The following CCDC180 variants were observed in gnomAD, a reference collection of about 807,000 sequenced individuals.
CCDC180 encodes the protein coiled-coil domain-containing protein 180.
CCDC180 carries 154 observed loss-of-function variants against 209.2 expected under a neutral mutation model. The observed-to-expected ratio is 0.74, with a 90% CI of 0.65 to 0.84. The LOEUF (loss-of-function observed/expected upper bound fraction) is 0.84, where lower values mean the gene tolerates loss of function less well. Ranked by LOEUF, CCDC180 falls within the 40% of genes least tolerant of loss-of-function variation. The pLI is 0.00. For synonymous variants in CCDC180, 778 were observed against 749.1 expected (o/e 1.04, Z -0.63); for missense variants, 1,874 against 1,997.3 (o/e 0.94, Z 1.18).
rs1214574979 is a variant in CCDC180, at chr9:97,369,978, G to C, written c.4246G>C (p.Val1416Leu). The change falls in exon 32 of 37, where the codon GTG becomes CTG. Residue 1416 changes from valine (V) to leucine (L), a missense_variant. Coordinates refer to ENST00000529487, the MANE Select transcript of CCDC180 (RefSeq NM_020893.6). Reference sequence around the variant, plus strand: ...GCTGCTGCCCCAAGTGTGTTGGCTGGTGATGGAGAATTTCAAGGAACACCA... The same window carrying C: ...GCTGCTGCCCCAAGTGTGTTGGCTGCTGATGGAGAATTTCAAGGAACACCA... ...EELLPQVCWL[V>L]MENFKEHHWK... The C allele has an allele frequency of 1.9e-6, 3 of 1,614,220 alleles. No homozygotes were observed. The highest frequency in any genetic ancestry group is 2.7e-5 in the African/African-American group (2 of 75,052).
At position 97,375,563 on chromosome 9, in the gene CCDC180, G is replaced by A. The variant is rs1400916026; in HGVS notation, c.4816G>A (p.Val1606Met). 10 of 1,614,124 alleles carry A rather than the reference G, an allele frequency of 6.2e-6. No homozygotes were observed. The highest frequency in any genetic ancestry group is 1.3e-5 in the African/African-American group (1 of 74,950). The change falls in exon 36 of 37, where the codon GTG becomes ATG. Residue 1606 changes from valine (V) to methionine (M), a missense_variant. Transcript: ENST00000529487. ...AACCACCCTGGGCCACCTGGCGGCC[G>A]TGGAAGCCCGAGATGCTGTGTACCT... ...TKTTLGHLAA[V>M]EARDAVYLKY...
intron 34 of CCDC180, chr9:97,372,441 C>T (rs537160021): frequency 3.7e-4 from 57 of 152,254 alleles, no homozygotes; most frequent in African/African-American, 1.3e-3. Context: ...TGGCCTAGCA[C>T]GTCTAATTCT....
At position 97,358,112 on chromosome 9, in the gene CCDC180, A is replaced by C. The variant is rs907367043; in HGVS notation, c.3363+387A>C. 762 of 137,494 alleles carry C rather than the reference A, an allele frequency of 5.5e-3. 2 individuals carry two copies. Among genetic ancestry groups the C allele is most frequent in the Non-Finnish European group, 8.1e-3 (534 of 65,814 alleles). 8.5% of individuals were successfully genotyped at this position (137,494 alleles called of 1,614,324 possible). ...ACAACCACTTTTTGTTTGACTTTCCACTTGCTTTTTTTTTTTTTTTTTTTT... is the reference window on the plus strand; with the variant it reads ...ACAACCACTTTTTGTTTGACTTTCCCCTTGCTTTTTTTTTTTTTTTTTTTT... On this transcript the variant is annotated intron_variant, in intron 25 of 36. Transcript: ENST00000529487.
At chr9:97,347,637 G>T in intron 20 of CCDC180, 148 bp downstream of exon 20, 1 of 717,300 alleles carries the variant, frequency 1.4e-6, no homozygotes, top group Non-Finnish European at 2.2e-6. Context: ...TGTACATGAG[G>T]GTTCGCACCT....
At chr9:97,326,454 C>G (rs1833536450) in intron 14 of CCDC180, 100 bp from the exon 15 acceptor site, 1 of 731,092 alleles carries the variant, frequency 1.4e-6, no homozygotes, top group Non-Finnish European at 2.5e-6. Context: ...GCTGAGGCAC[C>G]TGGGCCTCAG....
intron 18 of CCDC180, among the ~76,000 whole-genome samples, chr9:97,337,006 T>C (rs539709996): frequency 2.0e-5 from 3 of 152,358 alleles, no homozygotes; most frequent in South Asian, 2.1e-4. Context: ...TTTTTGTACA[T>C]TGATTTTGTA....
At chr9:97,322,988 C>G in intron 12 of CCDC180, 67 bp downstream of exon 12, 1 of 1,258,096 alleles carries the variant, frequency 7.9e-7, no homozygotes, top group Non-Finnish European at 1.1e-6. Flanking sequence ...CTTCCCTGGC[C>G]CCATACCCAC....
intron 11 of CCDC180, among the ~76,000 whole-genome samples, chr9:97,321,590 G>A (rs4345679): frequency 0.29 from 44,832 of 152,060 alleles, 7,259 homozygotes; most frequent in African/African-American, 0.41. Context: ...CTAAATAATA[G>A]CAATGGCTGC....
Sources: allele counts gnomAD v4.1 joint callset (sites outside exome capture counted in the v4.1 genomes callset), GRCh38; gene constraint gnomAD v4.1.1; transcripts MANE v1.5; gene names NCBI Gene and HGNC (gene_info 2026-07-23, HGNC 2026-07-21).